The following MARCHF1 variants were observed in gnomAD, a reference collection of about 807,000 sequenced individuals.
The protein encoded by MARCHF1 is E3 ubiquitin-protein ligase MARCHF1.
In MARCHF1, 40 loss-of-function variants were observed where a neutral mutation model predicts 54.2. That is an observed-to-expected ratio of 0.74 (90% CI 0.57 to 0.96). The LOEUF (loss-of-function observed/expected upper bound fraction) is 0.96, where lower values mean the gene tolerates loss of function less well. Among genes scored for constraint, MARCHF1 ranks in the 40% least tolerant of loss-of-function variants. The pLI is 0.00. For missense variants in MARCHF1, 586 were observed against 656.5 expected (o/e 0.89, Z 1.17); for synonymous variants, 236 against 236.3 (o/e 1.00, Z 0.01).
At chr4:164,243,981 G>C (rs1173712587) in intron 1 of MARCHF1, among the ~76,000 whole-genome samples, 1 of 152,046 alleles carries the variant, frequency 6.6e-6, no homozygotes, top group Non-Finnish European at 1.5e-5. Flanking sequence ...CCTACAAAGA[G>C]ACTTAGACTC....
At position 164,326,957 on chromosome 4, in the gene MARCHF1, TTGTGTGTG is replaced by T. The variant is rs370504086; in HGVS notation, c.-323+56905_-323+56912del. ...CTACCTCATAGGTTTGTTGTAAGGA[TTGTGTGTG>T]TGTGTGTGTGTGTGTGTGTGTGTGT... On this transcript the variant is annotated intron_variant, in intron 1 of 9. Coordinates refer to ENST00000514618, the MANE Select transcript of MARCHF1 (RefSeq NM_001394959.1). Among the ~76,000 whole-genome samples the T allele has an allele frequency of 4.1e-3, 548 of 133,716 alleles. 6 individuals are homozygous for T. In the East Asian group the frequency reaches 0.05, roughly 12 times the overall value. The allele number at this position is 133,716 out of a possible 152,430, so 87.7% of individuals were successfully genotyped here.
At chr4:163,922,658 G>A (rs572732499) in intron 3 of MARCHF1, among the ~76,000 whole-genome samples, 49 of 152,266 alleles carry the variant, frequency 3.2e-4, no homozygotes, top group African/African-American at 1.2e-3. Context: ...AATTTCAAAT[G>A]TGTCTATCTA....
chr4:163,721,773 C>A (rs1054815118), intron 4 of MARCHF1, among the ~76,000 whole-genome samples: 8 of 151,978 alleles, frequency 5.3e-5, no homozygotes, highest in African/African-American at 1.9e-4. Context: ...TGTATGTGTC[C>A]AGGAATTTAT....
chr4:163,688,994 A>T (rs1250576626), intron 5 of MARCHF1, among the ~76,000 whole-genome samples: 3 of 152,198 alleles, frequency 2.0e-5, no homozygotes, highest in African/African-American at 7.2e-5. Flanking sequence ...ACAGATGGTC[A>T]GTGGCAAGGA....
chr4:163,731,219 C>T (rs1745819385), intron 4 of MARCHF1, among the ~76,000 whole-genome samples: 1 of 152,082 alleles, frequency 6.6e-6, no homozygotes, highest in Non-Finnish European at 1.5e-5. Flanking sequence ...GTAATTCAGG[C>T]CACGGAAAAA....
chr4:164,107,180 G>A (rs1410690424), intron 2 of MARCHF1, among the ~76,000 whole-genome samples: 1 of 152,020 alleles, frequency 6.6e-6, no homozygotes, highest in Non-Finnish European at 1.5e-5. Flanking sequence ...ATCTAATTTT[G>A]TACTTCCCTA....
chr4:163,874,152 C>T (rs1206389730), intron 3 of MARCHF1, among the ~76,000 whole-genome samples: 1 of 152,152 alleles, frequency 6.6e-6, no homozygotes, highest in Non-Finnish European at 1.5e-5. Flanking sequence ...AGTTACCAAC[C>T]GGGATGATAT....
chr4:164,098,239 A>C (rs983690274), intron 2 of MARCHF1, among the ~76,000 whole-genome samples: 4 of 152,168 alleles, frequency 2.6e-5, no homozygotes, highest in African/African-American at 7.2e-5. Flanking sequence ...GGTTTATTCT[A>C]ATTTTTGAAG....
chr4:163,722,519 G>T (rs550686990), intron 4 of MARCHF1, among the ~76,000 whole-genome samples: 2 of 152,276 alleles, frequency 1.3e-5, no homozygotes, highest in Admixed American at 6.5e-5. Context: ...GATTTGGGGT[G>T]GAGAGTTCTA....
intron 9 of MARCHF1, among the ~76,000 whole-genome samples, chr4:163,533,890 A>G (rs763522390): frequency 4.6e-5 from 7 of 151,826 alleles, no homozygotes; most frequent in Admixed American, 3.9e-4. Context: ...GCCATGCCCA[A>G]TGGAGTTTAT....
intron 1 of MARCHF1, among the ~76,000 whole-genome samples, chr4:164,278,166 C>T (rs1733935380): frequency 6.6e-6 from 1 of 152,010 alleles, no homozygotes; most frequent in East Asian, 1.9e-4. Context: ...AAAAATTAGC[C>T]AAGTTTGGTG....
At chr4:163,935,162 A>G (rs1056199791) in intron 3 of MARCHF1, among the ~76,000 whole-genome samples, 3 of 152,068 alleles carry the variant, frequency 2.0e-5, no homozygotes, top group African/African-American at 7.2e-5. Context: ...AGCAGAGTAG[A>G]TTTAACATAA....
intron 1 of MARCHF1, among the ~76,000 whole-genome samples, chr4:164,323,388 C>A (rs1735190326): frequency 1.3e-5 from 2 of 151,070 alleles, no homozygotes; most frequent in African/African-American, 2.4e-5. Context: ...GTCTGTAGTG[C>A]CTATAATATT....
At chr4:163,630,997 G>C (rs1175422582) in intron 5 of MARCHF1, among the ~76,000 whole-genome samples, 1 of 152,154 alleles carries the variant, frequency 6.6e-6, no homozygotes, top group Non-Finnish European at 1.5e-5. Flanking sequence ...GGAGAGGAAT[G>C]TAAGTGTCTG....
intron 5 of MARCHF1, among the ~76,000 whole-genome samples, chr4:163,697,967 G>A (rs978595938): frequency 3.2e-4 from 49 of 152,182 alleles, no homozygotes; most frequent in African/African-American, 1.1e-3. Context: ...GCACTTGCTC[G>A]AAGCCATCAC....
chr4:164,280,877 A>T (rs1032720707), intron 1 of MARCHF1, among the ~76,000 whole-genome samples: 1 of 152,134 alleles, frequency 6.6e-6, no homozygotes, highest in Non-Finnish European at 1.5e-5. Flanking sequence ...TTGTAATTTT[A>T]TAGTTCTAAA....
chr4:163,726,969 C>T (rs1436633699), intron 4 of MARCHF1, among the ~76,000 whole-genome samples: 1 of 152,138 alleles, frequency 6.6e-6, no homozygotes, highest in East Asian at 1.9e-4. Context: ...GGGTAACAGT[C>T]CTTTACTACT....
At chr4:163,705,370 G>GTGCCTTGC (rs1000416013) in intron 4 of MARCHF1, among the ~76,000 whole-genome samples, 1 of 151,644 alleles carries the variant, frequency 6.6e-6, no homozygotes, top group Non-Finnish European at 1.5e-5. Flanking sequence ...AAAGAAAATT[G>GTGCCTTGC]TGCCTTGCTC....
rs1005907041 is a variant in MARCHF1 at position 163,866,442 on chromosome 4, C to T, written c.-38-12273G>A. Among the ~76,000 whole-genome samples, 10 of 92,396 alleles carry T rather than the reference C, an allele frequency of 1.1e-4. No individual in the cohort carries two copies. In the East Asian group the frequency reaches 1.5e-3, roughly 14 times the overall value. The allele number at this position is 92,396 out of a possible 152,430, so 60.6% of individuals were successfully genotyped here. The stretch of plus-strand genomic sequence containing the variant: ...TGGGAAAAGAGACTATATGGAATTA[C>T]GTGTTCTGATTATAAAGCTGTAGTT... On this transcript the variant is annotated intron_variant, in intron 3 of 9. Coordinates refer to ENST00000514618, the MANE Select transcript of MARCHF1 (RefSeq NM_001394959.1).
Sources: gnomAD v4.1 joint callset for allele counts (sites outside exome capture counted in the v4.1 genomes callset) on GRCh38, gnomAD v4.1.1 for gene constraint, MANE v1.5 for transcripts, NCBI Gene and HGNC (gene_info 2026-07-23, HGNC 2026-07-21) for gene names.